PRKG1: variants seen among roughly 807,000 people sequenced by gnomAD.
PRKG1 encodes the protein protein kinase cGMP-dependent 1, also known as cGMP-dependent protein kinase 1.
A neutral mutation model predicts 88.1 loss-of-function variants in PRKG1; 35 were observed. The observed-to-expected ratio is 0.40, with a 90% CI of 0.30 to 0.53. PRKG1 has a LOEUF of 0.53. Ranked by LOEUF, PRKG1 falls within the 20% of genes least tolerant of loss-of-function variation. PRKG1 has a pLI of 0.59. For synonymous variants in PRKG1, 303 were observed against 292.5 expected (o/e 1.04, Z -0.37); for missense variants, 540 against 839.8 (o/e 0.64, Z 4.41).
chr10:52,175,220 T>C (rs1838830920), intron 9 of PRKG1, among the ~76,000 whole-genome samples: 1 of 152,140 alleles, frequency 6.6e-6, no homozygotes, highest in African/African-American at 2.4e-5. Flanking sequence ...CCTCCACATA[T>C]GAGTGAGAAC....
chr10:51,307,386 G>A (rs76903678), intron 2 of PRKG1, among the ~76,000 whole-genome samples: 2,833 of 152,232 alleles, frequency 0.019, 78 homozygotes, highest in African/African-American at 0.063. Context: ...AATGCAATCA[G>A]TGGTGGCACC....
At chr10:51,075,092 T>C (rs1843914029) in intron 1 of PRKG1, among the ~76,000 whole-genome samples, 191 bp downstream of exon 1, 5 of 152,194 alleles carry the variant, frequency 3.3e-5, no homozygotes, top group South Asian at 4.1e-4. Context: ...TGCACATACG[T>C]TGCCTTCGTG....
intron 5 of PRKG1, among the ~76,000 whole-genome samples, chr10:51,942,296 GTTGT>G (rs1184302387): frequency 1.8e-4 from 28 of 151,952 alleles, no homozygotes; most frequent in African/African-American, 6.3e-4. Flanking sequence ...TTTTGATGGG[GTTGT>G]TTGTTTTTTT....
At position 51,390,165 on chromosome 10, in the gene PRKG1, C is replaced by T. The variant is rs187366527; in HGVS notation, c.479-77558C>T. Among the ~76,000 whole-genome samples, 11 of 152,336 alleles carry T rather than the reference C, an allele frequency of 7.2e-5. No individual in the cohort carries two copies. The East Asian group carries it at 2.1e-3, about 29-fold the overall frequency. ...ATTTAAGGCAGAATCATGTGGAACA[C>T]ATCCAAAGTGCAAAACTCTGTGGGA... On this transcript the variant is annotated intron_variant, in intron 2 of 17. Transcript: ENST00000373980.
intron 3 of PRKG1, among the ~76,000 whole-genome samples, chr10:51,649,750 T>C (rs1839995494): frequency 6.6e-6 from 1 of 152,170 alleles, no homozygotes; most frequent in Non-Finnish European, 1.5e-5. Flanking sequence ...CTCAAGGGCC[T>C]GTATAAACAA....
intron 5 of PRKG1, among the ~76,000 whole-genome samples, chr10:51,925,311 C>T (rs968209045): frequency 2.3e-4 from 35 of 151,826 alleles, no homozygotes; most frequent in African/African-American, 7.7e-4. Context: ...CCTATTTTGT[C>T]TTTGAGTTTC....
chr10:51,493,501 T>A (rs1017077615), intron 3 of PRKG1, among the ~76,000 whole-genome samples: 4 of 152,196 alleles, frequency 2.6e-5, no homozygotes, highest in Non-Finnish European at 5.9e-5. Context: ...TTTTAGCTAT[T>A]GACTGATTTT....
At chr10:51,963,123 T>A (rs1180309923) in intron 5 of PRKG1, among the ~76,000 whole-genome samples, 1 of 152,130 alleles carries the variant, frequency 6.6e-6, no homozygotes, top group Non-Finnish European at 1.5e-5. Flanking sequence ...GTAAAAAAAA[T>A]TAACTGGCGG....
chr10:51,185,870 T>C (rs1837471914), intron 2 of PRKG1, among the ~76,000 whole-genome samples: 1 of 151,802 alleles, frequency 6.6e-6, no homozygotes, highest in Admixed American at 6.6e-5. Flanking sequence ...CTTCTTATAC[T>C]TATGTCATTG....
intron 3 of PRKG1, among the ~76,000 whole-genome samples, chr10:51,544,188 T>G (rs1462098749): frequency 1.1e-5 from 1 of 89,474 alleles, no homozygotes; most frequent in Non-Finnish European, 2.6e-5. Flanking sequence ...TTTCTCCTAA[T>G]GCTATCCCTC....
chr10:52,290,312 T>G, intron 17 of PRKG1, 22 bp downstream of exon 17: 1 of 1,572,476 alleles, frequency 6.4e-7, no homozygotes, highest in African/African-American at 1.4e-5. Flanking sequence ...TTCCAGCTTA[T>G]AATTGTGTGA....
At chr10:51,005,952 G>A (rs1374295490) in intron 1 of PRKG1, among the ~76,000 whole-genome samples, 1 of 152,222 alleles carries the variant, frequency 6.6e-6, no homozygotes. Context: ...AGTTGCAGAT[G>A]TAGAGATATG....
chr10:52,054,510 T>A lies in PRKG1; in HGVS notation c.789T>A (p.Ile263=). 1.2e-6 allele frequency: 2 copies of A among 1,613,890 alleles called. No homozygotes were observed. Among genetic ancestry groups the A allele is most frequent in the Non-Finnish European group, 1.7e-6 (2 of 1,179,874 alleles). ...EETHYENGEY[I]IRQGARGDTF... is the part of the protein sequence containing the mutation. Reference sequence around the variant, plus strand: ...CCCACTATGAAAATGGAGAATATATTATCAGGCAAGGTGCAAGAGGGGACA... The same window carrying A: ...CCCACTATGAAAATGGAGAATATATAATCAGGCAAGGTGCAAGAGGGGACA... The change falls in exon 6 of 18, where the codon ATT becomes ATA. Residue 263 remains isoleucine (I), a synonymous_variant. Transcript: ENST00000373980.
At chr10:52,214,260 A>C (rs116801578) in intron 9 of PRKG1, among the ~76,000 whole-genome samples, 166 of 152,288 alleles carry the variant, frequency 1.1e-3, no homozygotes, top group African/African-American at 3.8e-3. Context: ...GAAGAAAAGA[A>C]AGTAATAAGA....
At chr10:51,900,849 A>G (rs1227535577) in intron 4 of PRKG1, among the ~76,000 whole-genome samples, 1 of 152,166 alleles carries the variant, frequency 6.6e-6, no homozygotes, top group Non-Finnish European at 1.5e-5. Context: ...ACAACCATTC[A>G]AATGATTTTG....
At chr10:51,461,100 G>A (rs1423999112) in intron 2 of PRKG1, among the ~76,000 whole-genome samples, 1 of 152,076 alleles carries the variant, frequency 6.6e-6, no homozygotes, top group Non-Finnish European at 1.5e-5. Context: ...TATGCAATAT[G>A]TATTATAATC....
chr10:51,134,802 A>G (rs1845651281), intron 1 of PRKG1, among the ~76,000 whole-genome samples: 1 of 152,148 alleles, frequency 6.6e-6, no homozygotes, highest in African/African-American at 2.4e-5. Context: ...ATAGTGTACA[A>G]TATTTGGTAT....
chr10:51,010,267 G>A (rs974267316), intron 1 of PRKG1, among the ~76,000 whole-genome samples: 15 of 152,242 alleles, frequency 9.9e-5, no homozygotes, highest in African/African-American at 3.4e-4. Context: ...TTATTTGGGT[G>A]AGGCCATTAA....
intron 5 of PRKG1, 152 bp downstream of exon 5, chr10:51,907,722 A>T: frequency 3.7e-6 from 2 of 547,292 alleles, no homozygotes. Flanking sequence ...CTTCGTATAG[A>T]AAGCAGCTTA....
Sources: allele counts gnomAD v4.1 joint callset (sites outside exome capture counted in the v4.1 genomes callset), GRCh38; gene constraint gnomAD v4.1.1; transcripts MANE v1.5; gene names NCBI Gene and HGNC (gene_info 2026-07-23, HGNC 2026-07-21).